Variants in FBLN5 observed in about 807,000 individuals in gnomAD.
FBLN5 encodes the protein fibulin 5, also known as fibulin-5.
FBLN5 carries 24 observed loss-of-function variants against 61.6 expected under a neutral mutation model. The observed-to-expected ratio is 0.39, with a 90% CI of 0.28 to 0.55. The LOEUF is 0.55. FBLN5 is among the 20% of genes least tolerant of loss of function. FBLN5 has a pLI of 0.65. For synonymous variants in FBLN5, 213 were observed against 219.8 expected (o/e 0.97, Z 0.27); for missense variants, 470 against 594.1 (o/e 0.79, Z 2.17).
intron 7 of FBLN5, among the ~76,000 whole-genome samples, chr14:91,886,657 T>A (rs1041112828): frequency 7.1e-6 from 1 of 141,158 alleles, no homozygotes; most frequent in African/African-American, 2.5e-5. Flanking sequence ...TCGAGAACTA[T>A]TTTTTTTTGC....
At chr14:91,871,511 C>T in intron 10 of FBLN5, among the ~76,000 whole-genome samples, 1 of 152,136 alleles carries the variant, frequency 6.6e-6, no homozygotes. Context: ...ACTGAGCACC[C>T]ATCATGTGTG....
At position 91,947,262 on chromosome 14, in the gene FBLN5, G is replaced by T. The variant is rs897628351; in HGVS notation, c.-33C>A. 2.5e-6 allele frequency: 4 copies of T among 1,613,936 alleles called. No individual in the cohort carries two copies. The African/African-American group carries it at 4.0e-5, about 16-fold the overall frequency. ...ACGCGCGAGGAGGAGATGCGAAGGCGAGAAGAAAGCTCGCGGGCGGGACCC... is the reference window on the plus strand; with the variant it reads ...ACGCGCGAGGAGGAGATGCGAAGGCTAGAAGAAAGCTCGCGGGCGGGACCC... On this transcript the variant is annotated 5_prime_UTR_variant, in exon 1 of 11. Transcript: ENST00000342058. This position sits in a 1 kb window ranked among gnomAD's most constrained non-coding sequence, Gnocchi z 4.3.
intron 4 of FBLN5, among the ~76,000 whole-genome samples, chr14:91,905,540 A>G (rs1890647098): frequency 6.6e-6 from 1 of 151,398 alleles, no homozygotes; most frequent in Admixed American, 6.6e-5. Context: ...TCACAATAAC[A>G]AGTTACGAGA....
chr14:91,911,721 C>T (rs1405362826), intron 4 of FBLN5, among the ~76,000 whole-genome samples: 6 of 152,018 alleles, frequency 3.9e-5, no homozygotes, highest in African/African-American at 1.4e-4. Flanking sequence ...AGTTGAGCTC[C>T]CTGCCCTCAC....
In FBLN5 at chr14:91,947,264, G is replaced by A; in HGVS notation, c.-35C>T. On this transcript the variant is annotated 5_prime_UTR_variant, in exon 1 of 11. Transcript: ENST00000342058. This position sits in a 1 kb window ranked among gnomAD's most constrained non-coding sequence, Gnocchi z 4.3. ...GCGCGAGGAGGAGATGCGAAGGCGA[G>A]AAGAAAGCTCGCGGGCGGGACCCCC... is the stretch of plus-strand genomic sequence containing the variant. The A allele has an allele frequency of 1.2e-6, 2 of 1,614,100 alleles. No individual in the cohort carries two copies. The highest frequency in any genetic ancestry group is 1.1e-5 in the South Asian group (1 of 91,078).
chr14:91,872,217 G>A (rs771994575), intron 10 of FBLN5, among the ~76,000 whole-genome samples: 22 of 152,168 alleles, frequency 1.4e-4, no homozygotes, highest in Non-Finnish European at 2.8e-4. Flanking sequence ...CAGAACCAAG[G>A]GCTTCCATTC....
intron 4 of FBLN5, among the ~76,000 whole-genome samples, chr14:91,906,078 G>C (rs1259414656): frequency 6.6e-6 from 1 of 152,078 alleles, no homozygotes. Flanking sequence ...GTAGAGACAG[G>C]GTTTTGCCAT....
intron 4 of FBLN5, among the ~76,000 whole-genome samples, chr14:91,898,920 G>A (rs1247689916): frequency 1.3e-5 from 2 of 148,364 alleles, no homozygotes; most frequent in Non-Finnish European, 3.0e-5. Context: ...TTCTGCCTCA[G>A]CCTCCCGAGT....
intron 10 of FBLN5, among the ~76,000 whole-genome samples, chr14:91,875,546 C>T (rs1370390674): frequency 6.6e-6 from 1 of 152,188 alleles, no homozygotes; most frequent in African/African-American, 2.4e-5. Context: ...AAAAGACCCA[C>T]AAAAGCACCC....
At chr14:91,898,796 C>CTTTTTTTTTTTTTT (rs35840279) in intron 4 of FBLN5, among the ~76,000 whole-genome samples, 1 of 84,242 alleles carries the variant, frequency 1.2e-5, no homozygotes, top group Non-Finnish European at 2.2e-5. Flanking sequence ...TTCATTCATT[C>CTTTTTTTTTTTTTT]TTTTTTTTTT....
At chr14:91,878,187 T>G (rs1889260880) in intron 9 of FBLN5, 1 of 303,492 alleles carries the variant, frequency 3.3e-6, no homozygotes, top group Admixed American at 4.8e-5. Flanking sequence ...TCAAATCTTG[T>G]CATTCGATAA....
chr14:91,919,346 A>AAAAG (rs1462969380), intron 4 of FBLN5, among the ~76,000 whole-genome samples: 16 of 85,468 alleles, frequency 1.9e-4, no homozygotes, highest in Admixed American at 2.7e-4. Context: ...AAAGAAAAAA[A>AAAAG]AAAAGAAAAG....
chr14:91,916,674 G>A (rs982813084), intron 4 of FBLN5, among the ~76,000 whole-genome samples: 1 of 152,178 alleles, frequency 6.6e-6, no homozygotes, highest in South Asian at 2.1e-4. Flanking sequence ...TCATGGAAGG[G>A]TGTGTGTATG....
At chr14:91,872,609 G>A (rs1400465774) in intron 10 of FBLN5, among the ~76,000 whole-genome samples, 1 of 152,230 alleles carries the variant, frequency 6.6e-6, no homozygotes, top group African/African-American at 2.4e-5. Flanking sequence ...GCAGACAGGT[G>A]CAGGCCAGGC....
In FBLN5 at chr14:91,943,720, A is replaced by G. The variant is rs2056142346; in HGVS notation, c.18-759T>C. Among the ~76,000 whole-genome samples, 1 of 152,236 alleles carries G rather than the reference A, an allele frequency of 6.6e-6. No individual in the cohort carries two copies. The highest frequency in any genetic ancestry group is 2.1e-4 in the South Asian group (1 of 4,838). ...GAGTGGCACCAAAGAAAGGTGTCACAGGAAGTCACTGAACCAGAGCATTGA... is the reference window on the plus strand; with the variant it reads ...GAGTGGCACCAAAGAAAGGTGTCACGGGAAGTCACTGAACCAGAGCATTGA... On this transcript the variant is annotated intron_variant, in intron 1 of 10. Coordinates refer to ENST00000342058, the MANE Select transcript of FBLN5 (RefSeq NM_006329.4). The surrounding 1 kb of genome is among the most constrained non-coding windows in gnomAD (Gnocchi z 4.0).
chr14:91,890,649 G>C (rs1005829134), intron 6 of FBLN5, among the ~76,000 whole-genome samples: 1 of 152,220 alleles, frequency 6.6e-6, no homozygotes, highest in African/African-American at 2.4e-5. Flanking sequence ...AAATGCCTTT[G>C]TTTCAGTCTG....
At chr14:91,910,399 A>G (rs75401295) in intron 4 of FBLN5, among the ~76,000 whole-genome samples, 2,559 of 152,294 alleles carry the variant, frequency 0.017, 38 homozygotes, top group Middle Eastern at 0.037. Flanking sequence ...AAGTTGCTTA[A>G]TAGATACGGA....
chr14:91,928,107 T>C (rs1480632965), intron 4 of FBLN5, among the ~76,000 whole-genome samples: 1 of 152,224 alleles, frequency 6.6e-6, no homozygotes, highest in Non-Finnish European at 1.5e-5. Context: ...TGGAAGGGAC[T>C]TCCTCACAAG....
chr14:91,939,612 G>T (rs546865227), intron 3 of FBLN5, among the ~76,000 whole-genome samples: 12 of 152,286 alleles, frequency 7.9e-5, no homozygotes, highest in Middle Eastern at 3.4e-3. Context: ...AAAGTGCTGG[G>T]ATTACAGGCG....
Sources: allele counts gnomAD v4.1 joint callset (sites outside exome capture counted in the v4.1 genomes callset), GRCh38; gene constraint gnomAD v4.1.1; non-coding constraint Gnocchi (gnomAD v3.1); transcripts MANE v1.5; gene names NCBI Gene and HGNC (gene_info 2026-07-23, HGNC 2026-07-21).